Variants in PCCA observed in about 807,000 individuals in gnomAD.
PCCA encodes the protein propionyl-CoA carboxylase alpha chain, mitochondrial.
A neutral mutation model predicts 101.3 loss-of-function variants in PCCA; 74 were observed. The ratio of observed to expected loss-of-function variants is 0.73; its 90% CI spans 0.61 to 0.89. The LOEUF (loss-of-function observed/expected upper bound fraction) is 0.89, where lower values mean the gene tolerates loss of function less well. Among genes scored for constraint, PCCA ranks in the 40% least tolerant of loss-of-function variants. The probability of loss-of-function intolerance (pLI) is 0.00; values close to 1 mark genes in which losing one functional copy is unlikely to be tolerated. For missense variants in PCCA, 891 were observed against 907.0 expected (o/e 0.98, Z 0.23); for synonymous variants, 294 against 313.6 (o/e 0.94, Z 0.66).
chr13:100,189,930 CT>C (rs1317166478), intron 6 of PCCA, among the ~76,000 whole-genome samples: 4 of 152,146 alleles, frequency 2.6e-5, no homozygotes, highest in Non-Finnish European at 5.9e-5. Flanking sequence ...AAATTCTTTG[CT>C]AGGTTGAACA....
chr13:100,330,800 C>A, intron 17 of PCCA, 129 bp downstream of exon 17: 1 of 659,558 alleles, frequency 1.5e-6, no homozygotes, highest in South Asian at 1.7e-5. Flanking sequence ...TTAGAACATG[C>A]AAGACTGTTT....
intron 12 of PCCA, among the ~76,000 whole-genome samples, chr13:100,297,143 G>C (rs1013066425): frequency 6.6e-6 from 1 of 152,238 alleles, no homozygotes; most frequent in Non-Finnish European, 1.5e-5. Context: ...CATGTTGGTA[G>C]CACGAAGTGC....
At chr13:100,285,942 A>G (rs1044379842) in intron 12 of PCCA, among the ~76,000 whole-genome samples, 3 of 152,124 alleles carry the variant, frequency 2.0e-5, no homozygotes, top group Admixed American at 6.5e-5. Flanking sequence ...CAGTTAGTGG[A>G]ACTAGTGCAT....
chr13:100,223,072 A>G (rs2059916204), intron 7 of PCCA, among the ~76,000 whole-genome samples: 1 of 152,218 alleles, frequency 6.6e-6, no homozygotes, highest in Non-Finnish European at 1.5e-5. Context: ...AATTTTATTC[A>G]ACATTTCATT....
In PCCA at chr13:100,254,957, G is replaced by A. The variant is rs576218295; in HGVS notation, c.638-2638G>A. ...GAAAATTAGCTGGGTGTGTTGGGGT[G>A]CACCTGTTGTCCCAGTTACTGAGGA... On this transcript the variant is annotated intron_variant, in intron 8 of 23. Transcript: ENST00000376285. Among the ~76,000 whole-genome samples, 5 of 151,984 alleles carry A rather than the reference G, an allele frequency of 3.3e-5. No individual in the cohort carries two copies. The South Asian group carries it at 6.3e-4, about 19-fold the overall frequency.
intron 22 of PCCA, among the ~76,000 whole-genome samples, chr13:100,521,260 G>A (rs1594125584): frequency 6.6e-6 from 1 of 152,194 alleles, no homozygotes; most frequent in African/African-American, 2.4e-5. Context: ...GCCCAGTTCT[G>A]GGGAGCCCCA....
chr13:100,269,737 A>G (rs2063178644), intron 11 of PCCA, among the ~76,000 whole-genome samples: 1 of 152,362 alleles, frequency 6.6e-6, no homozygotes, highest in Admixed American at 6.5e-5. Flanking sequence ...TATAATGCCT[A>G]TATAGTTTCT....
intron 19 of PCCA, among the ~76,000 whole-genome samples, chr13:100,409,202 G>C (rs1178518184): frequency 6.6e-6 from 1 of 152,112 alleles, no homozygotes; most frequent in Non-Finnish European, 1.5e-5. Flanking sequence ...AGGCGGTGGG[G>C]GCACAGTTTC....
At chr13:100,495,276 C>T (rs957490845) in intron 21 of PCCA, among the ~76,000 whole-genome samples, 25 of 152,264 alleles carry the variant, frequency 1.6e-4, no homozygotes, top group South Asian at 2.1e-4. Context: ...TGTGCATGTT[C>T]CTGAGTAATT....
chr13:100,479,923 A>G (rs1290165157), intron 21 of PCCA, among the ~76,000 whole-genome samples: 1 of 152,146 alleles, frequency 6.6e-6, no homozygotes, highest in Non-Finnish European at 1.5e-5. Context: ...TTGTTAGAGG[A>G]GAAGGTACCC....
chr13:100,433,520 C>T (rs1228817471), intron 20 of PCCA, among the ~76,000 whole-genome samples: 1 of 151,680 alleles, frequency 6.6e-6, no homozygotes, highest in Non-Finnish European at 1.5e-5. Flanking sequence ...TTTTTAAACC[C>T]TTTATTTCAA....
At chr13:100,489,426 G>C (rs1179953586) in intron 21 of PCCA, among the ~76,000 whole-genome samples, 4 of 152,238 alleles carry the variant, frequency 2.6e-5, no homozygotes, top group Non-Finnish European at 5.9e-5. Flanking sequence ...GGTAAGAAAA[G>C]ATTGACCATC....
intron 12 of PCCA, among the ~76,000 whole-genome samples, chr13:100,298,482 C>T (rs1205968741): frequency 6.6e-6 from 1 of 152,156 alleles, no homozygotes; most frequent in Non-Finnish European, 1.5e-5. Context: ...TCTGTAGTTA[C>T]ATTTTTCTTC....
At chr13:100,514,064 CT>C (rs747128966) in intron 21 of PCCA, among the ~76,000 whole-genome samples, 1 of 152,220 alleles carries the variant, frequency 6.6e-6, no homozygotes, top group African/African-American at 2.4e-5. Flanking sequence ...ACTCTCCTCG[CT>C]TTTTCCCTCA....
chr13:100,202,712 A>G lies in PCCA; in HGVS notation c.469-6620A>G, dbSNP rs139609399. On this transcript the variant is annotated intron_variant, in intron 6 of 23. Coordinates refer to ENST00000376285, the MANE Select transcript of PCCA (RefSeq NM_000282.4). Reference sequence around the variant, plus strand: ...TGTTGGATGTTCTTTTTTATTTTCAATATTTCTCATCTTCTGTATTATTTA... The same window carrying G: ...TGTTGGATGTTCTTTTTTATTTTCAGTATTTCTCATCTTCTGTATTATTTA... Among the ~76,000 whole-genome samples, 34 of 149,950 alleles carry G rather than the reference A, an allele frequency of 2.3e-4. No individual in the cohort carries two copies. In the East Asian group the frequency reaches 5.1e-3, roughly 22 times the overall value.
intron 8 of PCCA, among the ~76,000 whole-genome samples, chr13:100,256,403 G>T (rs2062077633): frequency 6.6e-6 from 1 of 152,058 alleles, no homozygotes; most frequent in African/African-American, 2.4e-5. Context: ...AACTATTTGG[G>T]TCCTTTGCTT....
intron 7 of PCCA, among the ~76,000 whole-genome samples, chr13:100,234,159 G>A (rs556324662): frequency 3.9e-5 from 6 of 152,046 alleles, no homozygotes; most frequent in Non-Finnish European, 7.4e-5. Context: ...CTAATTGTTC[G>A]CATTTGGCAG....
At chr13:100,474,661 G>A (rs1434037251) in intron 21 of PCCA, among the ~76,000 whole-genome samples, 1 of 151,936 alleles carries the variant, frequency 6.6e-6, no homozygotes, top group Non-Finnish European at 1.5e-5. Context: ...AATTTTTTAG[G>A]TATTTTTTGT....
At chr13:100,248,705 TA>T (rs1226390986) in intron 8 of PCCA, among the ~76,000 whole-genome samples, 1 of 152,136 alleles carries the variant, frequency 6.6e-6, no homozygotes, top group African/African-American at 2.4e-5. Context: ...CTTTCTTAGG[TA>T]TGGGTTTTGT....
Sources: allele counts gnomAD v4.1 joint callset (sites outside exome capture counted in the v4.1 genomes callset), GRCh38; gene constraint gnomAD v4.1.1; transcripts MANE v1.5; gene names NCBI Gene and HGNC (gene_info 2026-07-23, HGNC 2026-07-21).